AQR: variants seen among roughly 807,000 people sequenced by gnomAD.
AQR encodes the protein aquarius intron-binding spliceosomal factor.
A neutral mutation model predicts 180.5 loss-of-function variants in AQR; 61 were observed. That is an observed-to-expected ratio of 0.34 (90% confidence interval 0.28 to 0.42). The LOEUF is 0.42. Among genes scored for constraint, AQR ranks in the 10% least tolerant of loss-of-function variants. The pLI is 1.00. For synonymous variants in AQR, 551 were observed against 588.8 expected (o/e 0.94, Z 0.93); for missense variants, 1,281 against 1,798.3 (o/e 0.71, Z 5.20).
chr15:34,883,345 T>C (rs1402229233), intron 26 of AQR, among the ~76,000 whole-genome samples: 2 of 152,134 alleles, frequency 1.3e-5, no homozygotes, highest in East Asian at 3.8e-4. Context: ...GAAAAGAGTA[T>C]GGAAAAACAA....
At position 34,884,673 on chromosome 15, in the gene AQR, T is replaced by C; in HGVS notation, c.2879A>G (p.Asp960Gly). 6.2e-7 allele frequency: 1 copy of C among 1,612,810 alleles called. No homozygotes were observed. Among genetic ancestry groups the C allele is most frequent in the East Asian group, 2.2e-5 (1 of 44,770 alleles). Residue 960 changes from aspartate to glycine, a missense_variant, in exon 26 of 35, where the codon GAT (aspartate) becomes GGT (glycine). Physicochemically the swap from Asp to Gly is moderately conservative, Grantham distance 94. Transcript: ENST00000156471. Reference sequence around the variant, plus strand: ...GAAGAAAGTGGAGACTTCCGTAACATCTGGCAATGTACTACCTTTATTTTT... The same window carrying C: ...GAAGAAAGTGGAGACTTCCGTAACACCTGGCAATGTACTACCTTTATTTTT... ...KVKNKGSTLP[D>G]VTEVSTFFPF...
At chr15:34,960,703 T>C in intron 3 of AQR, 71 bp downstream of exon 3, 1 of 677,658 alleles carries the variant, frequency 1.5e-6, no homozygotes. Context: ...TATGATCACA[T>C]TTAGAAGTTC....
chr15:34,868,765 AT>A (rs1892774443), intron 31 of AQR: 1 of 152,152 alleles, frequency 6.6e-6, no homozygotes, highest in African/African-American at 2.4e-5. Flanking sequence ...AAAAGGATAT[AT>A]TCTTTTGTGT....
chr15:34,893,985 A>T (rs1361622744), intron 22 of AQR, among the ~76,000 whole-genome samples: 2 of 152,226 alleles, frequency 1.3e-5, no homozygotes, highest in African/African-American at 2.4e-5. Flanking sequence ...GATTAAAAAA[A>T]TAGAGACTCA....
intron 20 of AQR, among the ~76,000 whole-genome samples, 153 bp from the exon 21 acceptor site, chr15:34,897,858 C>T (rs1046740115): frequency 1.2e-4 from 19 of 152,060 alleles, no homozygotes; most frequent in Admixed American, 1.2e-3. Context: ...TGAAAATGGT[C>T]GAGTTACAAG....
At chr15:34,894,829 A>G (rs1595789083) in intron 22 of AQR, among the ~76,000 whole-genome samples, 1 of 152,096 alleles carries the variant, frequency 6.6e-6, no homozygotes, top group African/African-American at 2.4e-5. Context: ...GCAAATCCCT[A>G]AAGCAGCCAC....
In AQR at chr15:34,856,967, T is replaced by C; in HGVS notation, c.4283A>G (p.Gln1428Arg). ...IPSPTDTSCR[Q>R]ETPAFQTDTT... ...GTCAGTTTGAAAGGCTGGAGTTTCT[T>C]GACGGCAGCTGGTGTCTGTTGGACT... The change falls in exon 35 of 35, where the codon CAA becomes CGA. Residue 1428 changes from glutamine (Q) to arginine (R), a missense_variant. By Grantham distance (43) the Gln-to-Arg change is conservative. Transcript: ENST00000156471. The C allele has an allele frequency of 6.2e-7, 1 of 1,614,184 alleles. No homozygotes were observed. Among genetic ancestry groups the C allele is most frequent in the Non-Finnish European group, 8.5e-7 (1 of 1,180,006 alleles).
At chr15:34,932,177 T>A in intron 11 of AQR, 141 bp downstream of exon 11, 1 of 620,370 alleles carries the variant, frequency 1.6e-6, no homozygotes, top group Non-Finnish European at 2.7e-6. Flanking sequence ...TATATAAGAA[T>A]ACATTCATTT....
chr15:34,906,648 C>T lies in AQR; in HGVS notation c.1728G>A (p.Lys576=), dbSNP rs545729802. 4 of 1,614,098 alleles carry T rather than the reference C, an allele frequency of 2.5e-6. No individual in the cohort carries two copies. The highest frequency in any genetic ancestry group is 2.5e-6 in the Non-Finnish European group (3 of 1,179,992). ...TVRPTKPYGT[K]FDRRRPFIEQ... ...CAATAAAAGGTCTCCTCCGGTCAAA[C>T]TTAGTGCCATAAGGTTTTGTGGGAC... The change falls in exon 18 of 35, where the codon AAG becomes AAA. Residue 576 remains lysine (K), a synonymous_variant. Coordinates refer to ENST00000156471, the MANE Select transcript of AQR (RefSeq NM_014691.3).
chr15:34,969,393 G>T, intron 1 of AQR, 146 bp downstream of exon 1: 1 of 869,048 alleles, frequency 1.2e-6, no homozygotes, highest in Non-Finnish European at 1.8e-6. Flanking sequence ...GCACGGAGCT[G>T]ATACTCAGTA....
intron 20 of AQR, among the ~76,000 whole-genome samples, chr15:34,897,928 C>T (rs576613431): frequency 3.9e-5 from 6 of 152,198 alleles, no homozygotes; most frequent in East Asian, 1.9e-4. Flanking sequence ...CGGAGAATTA[C>T]GGGAGAATTT....
In AQR at chr15:34,969,693, T is replaced by C. The variant is rs2050333839; in HGVS notation, c.-80A>G. 2.1e-6 allele frequency: 3 copies of C among 1,444,120 alleles called. No individual in the cohort carries two copies. Among genetic ancestry groups the C allele is most frequent in the Non-Finnish European group, 1.9e-6 (2 of 1,068,656 alleles). The allele number at this position is 1,444,120 out of a possible 1,614,324, so 89.5% of individuals were successfully genotyped here. A position where few individuals can be genotyped will look rare whatever the true frequency, so the allele number is the denominator to read the frequency against. Reference sequence around the variant, plus strand: ...GCAACCCTGGTCCACTTCCCTTAAGTTACTGCCGGGGCGCTTAACTCCGCG... The same window carrying C: ...GCAACCCTGGTCCACTTCCCTTAAGCTACTGCCGGGGCGCTTAACTCCGCG... On this transcript the variant is annotated 5_prime_UTR_variant, in exon 1 of 35. Transcript: ENST00000156471.
chr15:34,947,032 G>C (rs1183438119), intron 5 of AQR, among the ~76,000 whole-genome samples: 4 of 152,200 alleles, frequency 2.6e-5, no homozygotes, highest in Non-Finnish European at 5.9e-5. Flanking sequence ...CATTGAGAAC[G>C]GGCCATGATG....
In AQR at chr15:34,906,724, T is replaced by C. The variant is rs372983592; in HGVS notation, c.1664-12A>G. ...ATGCTTACGAAGACCTGGTAAGATA[T>C]AAAGACATTTTCATTTATTAGAATT... On this transcript the variant is annotated splice_polypyrimidine_tract_variant and intron_variant, in intron 17 of 34. Coordinates refer to ENST00000156471, the MANE Select transcript of AQR (RefSeq NM_014691.3). 36 of 1,600,086 alleles carry C rather than the reference T, an allele frequency of 2.2e-5. 2 individuals are homozygous for C. Among genetic ancestry groups the C allele is most frequent in the East Asian group, 9.0e-5 (4 of 44,684 alleles).
chr15:34,943,256 G>C, intron 6 of AQR: 1 of 1,603,432 alleles, frequency 6.2e-7, no homozygotes, highest in Non-Finnish European at 8.5e-7. Context: ...TCTGGAAAAA[G>C]GCTAAAACTA....
At chr15:34,946,525 G>C (rs1321618985) in intron 5 of AQR, among the ~76,000 whole-genome samples, 3 of 142,678 alleles carry the variant, frequency 2.1e-5, no homozygotes, top group African/African-American at 7.8e-5. Flanking sequence ...GTCCGGGAGG[G>C]AGGTGAGGGG....
chr15:34,925,383 T>A (rs572057919), intron 13 of AQR, among the ~76,000 whole-genome samples: 1 of 152,332 alleles, frequency 6.6e-6, no homozygotes, highest in Admixed American at 6.5e-5. Flanking sequence ...ACGCTGTTAG[T>A]TTAAGTGTAA....
chr15:34,964,208 A>C (rs373863567), intron 2 of AQR, 26 bp downstream of exon 2: 53 of 1,529,596 alleles, frequency 3.5e-5, no homozygotes, highest in Non-Finnish European at 4.8e-5. Flanking sequence ...CTTCTCAAGA[A>C]TTATGTTGAA....
rs1189044164 is a variant in AQR at position 34,855,305 on chromosome 15, T to C, written c.*1487A>G. 1 of 152,228 alleles carries C rather than the reference T, an allele frequency of 6.6e-6. No individual in the cohort carries two copies. Among genetic ancestry groups the C allele is most frequent in the Non-Finnish European group, 1.5e-5 (1 of 68,048 alleles). 9.4% of individuals were successfully genotyped at this position (152,228 alleles called of 1,614,324 possible). ...GTTTAATTTCCCTATGAAGCAATCATTCCTTCAAAATGTCAGGACCAGAAG... is the reference window on the plus strand; with the variant it reads ...GTTTAATTTCCCTATGAAGCAATCACTCCTTCAAAATGTCAGGACCAGAAG... On this transcript the variant is annotated 3_prime_UTR_variant, in exon 35 of 35. Coordinates refer to ENST00000156471, the MANE Select transcript of AQR (RefSeq NM_014691.3).
Sources: allele counts gnomAD v4.1 joint callset (sites outside exome capture counted in the v4.1 genomes callset), GRCh38; gene constraint gnomAD v4.1.1; transcripts MANE v1.5; gene names NCBI Gene and HGNC (gene_info 2026-07-23, HGNC 2026-07-21).